TMEM50A: variants seen among roughly 807,000 people sequenced by gnomAD.
The protein encoded by TMEM50A is cervical cancer oncogene 9.
Under a neutral mutation model 23.9 loss-of-function variants are expected in TMEM50A, and 8 were observed. The observed-to-expected ratio is 0.33, with a 90% CI of 0.20 to 0.60. The LOEUF is 0.60. Ranked by LOEUF, TMEM50A falls within the 20% of genes least tolerant of loss-of-function variation. The probability of loss-of-function intolerance (pLI) is 0.81; values close to 1 mark genes in which losing one functional copy is unlikely to be tolerated. For missense variants in TMEM50A, 178 were observed against 192.7 expected (o/e 0.92, Z 0.45); for synonymous variants, 55 against 60.4 (o/e 0.91, Z 0.41).
Position 25,343,013 on chromosome 1 carries a change from T to C in TMEM50A, c.146T>C (p.Met49Thr), listed in dbSNP as rs745492267. 1 of 1,613,816 alleles carries C rather than the reference T, an allele frequency of 6.2e-7. No individual in the cohort carries two copies. The highest frequency in any genetic ancestry group is 1.7e-4 in the Middle Eastern group (1 of 6,058). Residue 49 changes from methionine to threonine, a missense_variant, in exon 3 of 7, where the codon ATG (methionine) becomes ACG (threonine). Transcript: ENST00000374358. The stretch of plus-strand genomic sequence containing the variant: ...GATGCAGCTGTTATTTATCCCACCA[T>C]GAAAGATTTCAACCACTCATACCAT... ...IIDAAVIYPT[M>T]KDFNHSYHAC...
intron 3 of TMEM50A, among the ~76,000 whole-genome samples, chr1:25,347,533 C>T (rs976468316): frequency 1.3e-5 from 2 of 152,186 alleles, no homozygotes; most frequent in Non-Finnish European, 2.9e-5. Context: ...CCACCATGCC[C>T]GGCCTTCTGT....
rs558701413 is a variant in TMEM50A at position 25,361,036 on chromosome 1, C to T, written c.*331C>T. 2.6e-4 allele frequency: 59 copies of T among 224,020 alleles called. 1 individual carries two copies. The highest frequency in any genetic ancestry group is 1.2e-3 in the African/African-American group (53 of 43,764). 13.9% of individuals were successfully genotyped at this position (224,020 alleles called of 1,614,324 possible). ...GTAAGTATTTGTCATATCTGAGGTCCAAAACCACAATGAAAGTGCTCTGAA... is the reference window on the plus strand; with the variant it reads ...GTAAGTATTTGTCATATCTGAGGTCTAAAACCACAATGAAAGTGCTCTGAA... On this transcript the variant is annotated 3_prime_UTR_variant, in exon 7 of 7. Transcript: ENST00000374358.
chr1:25,359,427 A>G lies in TMEM50A; in HGVS notation c.429-1233A>G, dbSNP rs188963432. 2.6e-5 allele frequency among the ~76,000 whole-genome samples: 4 copies of G among 151,914 alleles called. No homozygotes were observed. The East Asian group carries it at 7.7e-4, about 29-fold the overall frequency. ...CGAAACCCTAGACCAGGGGTGTCCA[A>G]TTTTTTGGCTTCCCTGGGCCATATT... On this transcript the variant is annotated intron_variant, in intron 6 of 6. Transcript: ENST00000374358.
In TMEM50A at chr1:25,340,634, T is replaced by C. The variant is rs868316769; in HGVS notation, c.93+55T>C. 7.5e-5 allele frequency: 99 copies of C among 1,324,362 alleles called. No homozygotes were observed. The Middle Eastern group carries it at 1.8e-3, about 24-fold the overall frequency. 82.0% of individuals were successfully genotyped at this position (1,324,362 alleles called of 1,614,324 possible). ...TTTTTGGTGCGTTTGTGTTTATGGG[T>C]TTTGAATTCTGCAGGATGTTTTAAA... is the stretch of plus-strand genomic sequence containing the variant. On this transcript the variant is annotated intron_variant, in intron 2 of 6. Coordinates refer to ENST00000374358, the MANE Select transcript of TMEM50A (RefSeq NM_014313.4).
intron 3 of TMEM50A, among the ~76,000 whole-genome samples, chr1:25,344,822 G>A (rs1335502037): frequency 1.3e-5 from 2 of 151,684 alleles, no homozygotes; most frequent in African/African-American, 2.4e-5. Context: ...CAGTTACTAT[G>A]TGGAATGTAG....
At chr1:25,358,000 T>G (rs3093633) in intron 6 of TMEM50A, among the ~76,000 whole-genome samples, 1,509 of 147,896 alleles carry the variant, frequency 0.01, 27 homozygotes, top group African/African-American at 0.036. Context: ...CAGGCTGGAA[T>G]GCAGTGGCGT....
chr1:25,362,326 T>C lies in TMEM50A; in HGVS notation c.*1621T>C, dbSNP rs1401608868. 1.7e-6 allele frequency: 2 copies of C among 1,211,224 alleles called. No homozygotes were observed. The highest frequency in any genetic ancestry group is 3.1e-5 in the African/African-American group (2 of 64,564). 75.0% of individuals were successfully genotyped at this position (1,211,224 alleles called of 1,614,324 possible). On this transcript the variant is annotated 3_prime_UTR_variant, in exon 7 of 7. Coordinates refer to ENST00000374358, the MANE Select transcript of TMEM50A (RefSeq NM_014313.4). Reference sequence around the variant, plus strand: ...AGCATCATCCTAATGAAACTAAACATTTATTTTAAACTTATTAAATTGACT... The same window carrying C: ...AGCATCATCCTAATGAAACTAAACACTTATTTTAAACTTATTAAATTGACT...
chr1:25,361,032 G>A lies in TMEM50A; in HGVS notation c.*327G>A. On this transcript the variant is annotated 3_prime_UTR_variant, in exon 7 of 7. Coordinates refer to ENST00000374358, the MANE Select transcript of TMEM50A (RefSeq NM_014313.4). ...CAATGTAAGTATTTGTCATATCTGAGGTCCAAAACCACAATGAAAGTGCTC... is the reference window on the plus strand; with the variant it reads ...CAATGTAAGTATTTGTCATATCTGAAGTCCAAAACCACAATGAAAGTGCTC... 1 of 229,538 alleles carries A rather than the reference G, an allele frequency of 4.4e-6. No individual in the cohort carries two copies. The highest frequency in any genetic ancestry group is 8.7e-5 in the South Asian group (1 of 11,494). 14.2% of individuals were successfully genotyped at this position (229,538 alleles called of 1,614,324 possible).
At chr1:25,349,038 C>T (rs1645250763) in intron 3 of TMEM50A, among the ~76,000 whole-genome samples, 1 of 152,048 alleles carries the variant, frequency 6.6e-6, no homozygotes, top group African/African-American at 2.4e-5. Flanking sequence ...TGCAGCGGAG[C>T]GTGGGATGGA....
intron 3 of TMEM50A, among the ~76,000 whole-genome samples, chr1:25,350,310 A>G (rs894862700): frequency 2.6e-5 from 4 of 152,212 alleles, no homozygotes; most frequent in African/African-American, 7.2e-5. Context: ...ATACATACAA[A>G]TGGAATATCA....
chr1:25,351,385 TG>T (rs1645273805), intron 3 of TMEM50A, among the ~76,000 whole-genome samples: 1 of 152,128 alleles, frequency 6.6e-6, no homozygotes, highest in Non-Finnish European at 1.5e-5. Flanking sequence ...GGTGCACACC[TG>T]TAATCCCAGC....
chr1:25,357,524 C>G (rs1645344631), intron 6 of TMEM50A, among the ~76,000 whole-genome samples: 1 of 136,640 alleles, frequency 7.3e-6, no homozygotes, highest in Non-Finnish European at 1.5e-5. Context: ...TCCTCTGCAT[C>G]AGGAGTGTGT....
At position 25,362,288 on chromosome 1, in the gene TMEM50A, A is replaced by G. The variant is rs1645421152; in HGVS notation, c.*1583A>G. On this transcript the variant is annotated 3_prime_UTR_variant, in exon 7 of 7. Coordinates refer to ENST00000374358, the MANE Select transcript of TMEM50A (RefSeq NM_014313.4). ...AACTTTAATAATGTGTCTGTAACCA[A>G]GAAAATATTGATAGCATCATCCTAA... 1.1e-6 allele frequency: 1 copy of G among 902,916 alleles called. No homozygotes were observed. The highest frequency in any genetic ancestry group is 1.7e-5 in the African/African-American group (1 of 59,184). The allele number at this position is 902,916 out of a possible 1,614,324, so 55.9% of individuals were successfully genotyped here.
chr1:25,350,722 A>T (rs1645266780), intron 3 of TMEM50A, among the ~76,000 whole-genome samples: 2 of 152,244 alleles, frequency 1.3e-5, no homozygotes, highest in South Asian at 2.1e-4. Context: ...GACTCACCTG[A>T]AAGACTTGTT....
Position 25,351,670 on chromosome 1 carries a change from G to A in TMEM50A, c.251G>A (p.Ser84Asn). 1 of 1,613,632 alleles carries A rather than the reference G, an allele frequency of 6.2e-7. No individual in the cohort carries two copies. Among genetic ancestry groups the A allele is most frequent in the South Asian group, 1.1e-5 (1 of 90,948 alleles). Residue 84 changes from serine (S) to asparagine (N), a missense_variant, in exon 4 of 7, where the codon AGT (serine) becomes AAT (asparagine). Physicochemically the swap from Ser to Asn is conservative, Grantham distance 46. Transcript: ENST00000374358. ...GGACAAGTCCGAGGTGATAGTTACA[G>A]TGAAGGTTGTCTGGGTCAAACAGGT... Reference protein sequence around the residue: ...SNGQVRGDSYSEGCLGQTGAR... With the variant: ...SNGQVRGDSYNEGCLGQTGAR...
chr1:25,352,547 G>A (rs1250553473), intron 4 of TMEM50A, among the ~76,000 whole-genome samples: 2 of 151,668 alleles, frequency 1.3e-5, no homozygotes, highest in Non-Finnish European at 2.9e-5. Context: ...AAAGCATAAG[G>A]AGAATGAGCC....
At chr1:25,348,302 T>C (rs951314196) in intron 3 of TMEM50A, among the ~76,000 whole-genome samples, 4 of 152,234 alleles carry the variant, frequency 2.6e-5, no homozygotes, top group African/African-American at 9.6e-5. Flanking sequence ...GACTTTATTA[T>C]TTTTTCTCTT....
intron 2 of TMEM50A, among the ~76,000 whole-genome samples, chr1:25,341,868 T>G (rs896728197): frequency 7.7e-5 from 7 of 90,910 alleles, no homozygotes; most frequent in Non-Finnish European, 1.5e-4. Flanking sequence ...CTAATTTTTG[T>G]TTTTTTTTTT....
In TMEM50A at chr1:25,361,101, A is replaced by G. The variant is rs1645397150; in HGVS notation, c.*396A>G. ...ATTCAAATGTGGTCTCTTCTGTGTC[A>G]AATGTTAAATGAAATATAAACATTT... On this transcript the variant is annotated 3_prime_UTR_variant, in exon 7 of 7. Coordinates refer to ENST00000374358, the MANE Select transcript of TMEM50A (RefSeq NM_014313.4). 6.1e-6 allele frequency: 1 copy of G among 162,916 alleles called. No homozygotes were observed. Among genetic ancestry groups the G allele is most frequent in the African/African-American group, 2.4e-5 (1 of 41,702 alleles). 10.1% of individuals were successfully genotyped at this position (162,916 alleles called of 1,614,324 possible).
Sources: gnomAD v4.1 joint callset for allele counts (sites outside exome capture counted in the v4.1 genomes callset) on GRCh38, gnomAD v4.1.1 for gene constraint, MANE v1.5 for transcripts, NCBI Gene and HGNC (gene_info 2026-07-23, HGNC 2026-07-21) for gene names.